Variants in SYNPR observed in about 807,000 individuals in gnomAD.
SYNPR encodes the protein synaptoporin.
SYNPR carries 23 observed loss-of-function variants against 32.9 expected under a neutral mutation model. That is an observed-to-expected ratio of 0.70 (90% CI 0.50 to 0.99). The LOEUF (loss-of-function observed/expected upper bound fraction) is 0.99, where lower values mean the gene tolerates loss of function less well. SYNPR is among the 50% of genes least tolerant of loss of function. The pLI is 0.00. For synonymous variants in SYNPR, 146 were observed against 135.9 expected, an observed-to-expected ratio of 1.07 and a Z score of -0.52; for missense variants, 318 against 349.3, an observed-to-expected ratio of 0.91 and a Z score of 0.71.
At chr3:63,440,696 G>A (rs1017677158) in intron 2 of SYNPR, among the ~76,000 whole-genome samples, 6 of 152,214 alleles carry the variant, frequency 3.9e-5, no homozygotes, top group African/African-American at 1.4e-4. Context: ...GCCCTTTAGA[G>A]ATAATTCAGT....
At chr3:63,201,725 G>GA in the SYNPR span, among the ~76,000 whole-genome samples, 5 of 151,486 alleles carry the variant, frequency 3.3e-5, no homozygotes, top group African/African-American at 7.3e-5. Flanking sequence ...TTATTTAAAA[G>GA]AAAAAAAATT....
At chr3:63,374,584 A>C (rs2087860694) in intron 2 of SYNPR, among the ~76,000 whole-genome samples, 1 of 152,164 alleles carries the variant, frequency 6.6e-6, no homozygotes, top group South Asian at 2.1e-4. Context: ...CTGAACCTAA[A>C]ATAAAAGTTA....
chr3:63,411,038 G>A (rs540695886), intron 2 of SYNPR, among the ~76,000 whole-genome samples: 2 of 152,304 alleles, frequency 1.3e-5, no homozygotes, highest in East Asian at 3.9e-4. Context: ...ACTACTCACT[G>A]TTCTTTAATG....
At chr3:63,358,310 A>G (rs1238806319) in intron 2 of SYNPR, among the ~76,000 whole-genome samples, 1 of 152,182 alleles carries the variant, frequency 6.6e-6, no homozygotes, top group Admixed American at 6.5e-5. Context: ...GGGAGAATCT[A>G]TTTCTTTGCA....
At chr3:63,563,636 C>A (rs892426015) in intron 4 of SYNPR, among the ~76,000 whole-genome samples, 1 of 151,976 alleles carries the variant, frequency 6.6e-6, no homozygotes, top group Non-Finnish European at 1.5e-5. Flanking sequence ...CATTTCATGT[C>A]TATTTTATTT....
intron 3 of SYNPR, among the ~76,000 whole-genome samples, chr3:63,550,405 G>T (rs563203937): frequency 6.6e-6 from 1 of 150,656 alleles, no homozygotes; most frequent in Non-Finnish European, 1.5e-5. Flanking sequence ...GTGTGTGTGT[G>T]TATATATATA....
intron 3 of SYNPR, among the ~76,000 whole-genome samples, chr3:63,497,132 G>T (rs142484483): frequency 3.0e-4 from 46 of 152,176 alleles, no homozygotes; most frequent in African/African-American, 1.1e-3. Context: ...TAGAATTAAG[G>T]TCTCTTAATC....
intron 2 of SYNPR, among the ~76,000 whole-genome samples, chr3:63,455,756 G>GGTGTGTGTGT (rs370244005): frequency 0.027 from 3,966 of 144,328 alleles, 103 homozygotes; most frequent in African/African-American, 0.069. Context: ...TCATGTTTGG[G>GGTGTGTGTGT]GTGTGTGTGT....
intron 3 of SYNPR, among the ~76,000 whole-genome samples, chr3:63,498,555 T>C (rs1012632253): frequency 7.9e-5 from 12 of 152,212 alleles, no homozygotes; most frequent in Non-Finnish European, 1.5e-4. Context: ...GAGGAGACAT[T>C]GAGCAGAGAC....
chr3:63,384,113 C>T (rs577682469), intron 2 of SYNPR, among the ~76,000 whole-genome samples: 2 of 152,246 alleles, frequency 1.3e-5, no homozygotes, highest in Non-Finnish European at 2.9e-5. Context: ...AATGCTGGAT[C>T]TGAAATTCAG....
chr3:63,401,115 T>A (rs919960102), intron 2 of SYNPR, among the ~76,000 whole-genome samples: 1 of 151,962 alleles, frequency 6.6e-6, no homozygotes, highest in African/African-American at 2.4e-5. Flanking sequence ...CTTTGAGGCC[T>A]ATAATGCAGG....
At chr3:63,597,757 T>C (rs910377025) in intron 4 of SYNPR, among the ~76,000 whole-genome samples, 1 of 152,222 alleles carries the variant, frequency 6.6e-6, no homozygotes, top group Non-Finnish European at 1.5e-5. Context: ...GGTCATACGA[T>C]CTTCGTTGAA....
intron 2 of SYNPR, among the ~76,000 whole-genome samples, chr3:63,378,959 A>G (rs1389870921): frequency 1.3e-5 from 2 of 152,164 alleles, no homozygotes; most frequent in African/African-American, 4.8e-5. Flanking sequence ...CTGCGTGCTA[A>G]GAATACACAA....
intron 3 of SYNPR, among the ~76,000 whole-genome samples, chr3:63,500,635 A>T (rs1224342318): frequency 3.3e-5 from 5 of 152,182 alleles, no homozygotes; most frequent in African/African-American, 1.2e-4. Flanking sequence ...AAATGCTGGC[A>T]TTTTAAAACC....
chr3:63,258,156 G>T (rs2086404423), intron 2 of SYNPR, among the ~76,000 whole-genome samples: 2 of 152,142 alleles, frequency 1.3e-5, no homozygotes, highest in Non-Finnish European at 2.9e-5. Context: ...ACATTAGACA[G>T]ATCAACAAGA....
intron 2 of SYNPR, among the ~76,000 whole-genome samples, chr3:63,300,205 C>T (rs1435254264): frequency 6.6e-6 from 1 of 152,046 alleles, no homozygotes; most frequent in East Asian, 1.9e-4. Flanking sequence ...TATGACCTGC[C>T]TCCAGATCTA....
rs114720407 is a variant in SYNPR, at chr3:63,406,672, A to G, written c.85-74160A>G. Among the ~76,000 whole-genome samples the G allele has an allele frequency of 6.7e-3, 1,026 of 152,242 alleles. 11 individuals are homozygous for G. The highest frequency in any genetic ancestry group is 0.024 in the African/African-American group (981 of 41,548). ...AACAAAAGTTCCCAAAGTGGAAAAG[A>G]CAAAGGAAAGCTTTATTGGATGTAG... On this transcript the variant is annotated intron_variant, in intron 2 of 5. Coordinates refer to ENST00000478300, the MANE Select transcript of SYNPR (RefSeq NM_001130003.2).
chr3:63,201,316 A>G, the SYNPR span, among the ~76,000 whole-genome samples: 3 of 152,272 alleles, frequency 2.0e-5, no homozygotes, highest in African/African-American at 7.2e-5. Flanking sequence ...TGCTAGCTCA[A>G]AGTCATTCTG....
intron 2 of SYNPR, chr3:63,444,463 C>G (rs894029108): frequency 2.6e-5 from 4 of 152,140 alleles, no homozygotes; most frequent in Admixed American, 2.0e-4. Context: ...AACAAATCTG[C>G]ATAGTCTTTT....
Sources: gnomAD v4.1 joint callset for allele counts (sites outside exome capture counted in the v4.1 genomes callset) on GRCh38, gnomAD v4.1.1 for gene constraint, MANE v1.5 for transcripts, NCBI Gene and HGNC (gene_info 2026-07-23, HGNC 2026-07-21) for gene names.